The following GPC5 variants were observed in gnomAD, a reference collection of about 807,000 sequenced individuals.
The protein encoded by GPC5 is glypican-5.
Under a neutral mutation model 53.9 loss-of-function variants are expected in GPC5, and 47 were observed. The ratio of observed to expected loss-of-function variants is 0.87; its 90% confidence interval spans 0.69 to 1.11. The LOEUF is 1.11. GPC5 is among the 50% of genes most tolerant of loss of function. GPC5 has a pLI of 0.00. For synonymous variants in GPC5, 286 were observed against 263.3 expected (o/e 1.09, Z -0.84); for missense variants, 748 against 713.1 (o/e 1.05, Z -0.56).
At chr13:92,821,808 T>C (rs1278933222) in intron 7 of GPC5, among the ~76,000 whole-genome samples, 1 of 152,162 alleles carries the variant, frequency 6.6e-6, no homozygotes, top group African/African-American at 2.4e-5. Flanking sequence ...CTTAGATACA[T>C]GTTCCTATGG....
intron 7 of GPC5, among the ~76,000 whole-genome samples, chr13:92,287,973 C>A (rs1041820355): frequency 2.6e-5 from 4 of 152,028 alleles, no homozygotes; most frequent in Admixed American, 6.6e-5. Context: ...TCACACTGGA[C>A]AATTCCAGTT....
intron 2 of GPC5, among the ~76,000 whole-genome samples, chr13:91,538,027 A>G (rs11840563): frequency 0.047 from 7,212 of 152,320 alleles, 562 homozygotes; most frequent in African/African-American, 0.16. Context: ...TATGCATACA[A>G]TGAAATATTC....
intron 6 of GPC5, among the ~76,000 whole-genome samples, chr13:91,950,427 T>G (rs1468208662): frequency 7.2e-6 from 1 of 138,828 alleles, no homozygotes; most frequent in East Asian, 2.6e-4. Context: ...CTACCTTCAA[T>G]AAGCATCCCA....
In GPC5 at chr13:91,506,065, C is replaced by A. The variant is rs182753409; in HGVS notation, c.325+57143C>A. Among the ~76,000 whole-genome samples, 408 of 152,060 alleles carry A rather than the reference C, an allele frequency of 2.7e-3. 1 individual carries two copies. Among genetic ancestry groups the A allele is most frequent in the African/African-American group, 9.4e-3 (388 of 41,480 alleles). ...GATTCTATCATTTAAAAATTCAGAG[C>A]AACTCCATGGGGGAAAATTAAGGAT... On this transcript the variant is annotated intron_variant, in intron 2 of 7. Coordinates refer to ENST00000377067, the MANE Select transcript of GPC5 (RefSeq NM_004466.6).
chr13:92,355,765 C>T (rs774030354), intron 7 of GPC5, among the ~76,000 whole-genome samples: 1 of 152,052 alleles, frequency 6.6e-6, no homozygotes, highest in Non-Finnish European at 1.5e-5. Flanking sequence ...GACCCATACC[C>T]CAAATTTCAA....
chr13:91,624,260 G>C (rs2033941185), intron 2 of GPC5, among the ~76,000 whole-genome samples: 1 of 152,108 alleles, frequency 6.6e-6, no homozygotes, highest in Non-Finnish European at 1.5e-5. Flanking sequence ...AGAAGCCCAA[G>C]AGTGGTGATA....
intron 7 of GPC5, among the ~76,000 whole-genome samples, chr13:92,482,707 G>A (rs1452307359): frequency 6.6e-6 from 1 of 152,070 alleles, no homozygotes; most frequent in African/African-American, 2.4e-5. Flanking sequence ...TTTTACCCAC[G>A]ATTGTATTGC....
intron 7 of GPC5, among the ~76,000 whole-genome samples, chr13:92,430,313 G>A (rs890534592): frequency 2.0e-5 from 3 of 152,044 alleles, no homozygotes; most frequent in African/African-American, 7.2e-5. Flanking sequence ...GATTACTATT[G>A]ATATTTATCA....
At chr13:91,410,460 C>T (rs990657008) in intron 1 of GPC5, among the ~76,000 whole-genome samples, 14 of 151,358 alleles carry the variant, frequency 9.2e-5, no homozygotes, top group African/African-American at 3.4e-4. Flanking sequence ...ATTCTCCTGC[C>T]TCAGCCTCCT....
intron 7 of GPC5, among the ~76,000 whole-genome samples, chr13:92,863,758 G>C (rs546377888): frequency 6.6e-6 from 1 of 152,232 alleles, no homozygotes; most frequent in South Asian, 2.1e-4. Flanking sequence ...CTCCCAAAGT[G>C]CTGAGATTAC....
chr13:92,723,177 T>C (rs990305033), intron 7 of GPC5, among the ~76,000 whole-genome samples: 6 of 151,766 alleles, frequency 4.0e-5, no homozygotes, highest in African/African-American at 1.2e-4. Context: ...ATATGAAACA[T>C]CCAATCCTGG....
intron 7 of GPC5, among the ~76,000 whole-genome samples, chr13:92,250,764 T>G (rs1566504441): frequency 6.6e-6 from 1 of 152,086 alleles, no homozygotes; most frequent in Non-Finnish European, 1.5e-5. Flanking sequence ...CTGATATAAT[T>G]GGATTTTCAG....
chr13:91,599,559 C>T (rs144459610), intron 2 of GPC5, among the ~76,000 whole-genome samples: 65 of 152,064 alleles, frequency 4.3e-4, no homozygotes, highest in African/African-American at 1.5e-3. Flanking sequence ...ACACTTAAAA[C>T]TCAATACTAT....
chr13:92,226,869 C>T (rs9560985), intron 7 of GPC5, among the ~76,000 whole-genome samples: 35,390 of 151,724 alleles, frequency 0.23, 4,361 homozygotes, highest in African/African-American at 0.31. Flanking sequence ...CAAAGTCCTG[C>T]GATTGCAGGC....
At chr13:92,752,343 A>T (rs1488117039) in intron 7 of GPC5, among the ~76,000 whole-genome samples, 1 of 152,188 alleles carries the variant, frequency 6.6e-6, no homozygotes, top group Admixed American at 6.5e-5. Context: ...CTTCAGAACC[A>T]ATGCTTTAGA....
At chr13:91,425,760 G>A (rs1476252466) in intron 1 of GPC5, among the ~76,000 whole-genome samples, 1 of 152,214 alleles carries the variant, frequency 6.6e-6, no homozygotes, top group African/African-American at 2.4e-5. Flanking sequence ...ACCTGAAAAT[G>A]TGGAAGCGAC....
At chr13:92,663,752 C>G (rs1197899918) in intron 7 of GPC5, among the ~76,000 whole-genome samples, 2 of 138,502 alleles carry the variant, frequency 1.4e-5, no homozygotes, top group Non-Finnish European at 3.1e-5. Context: ...TATATCTCTA[C>G]TAAATATATA....
At chr13:92,287,392 T>C (rs1356519455) in intron 7 of GPC5, among the ~76,000 whole-genome samples, 1 of 152,184 alleles carries the variant, frequency 6.6e-6, no homozygotes, top group Admixed American at 6.5e-5. Context: ...TACAAGGTTT[T>C]TCAAGCCTTC....
intron 7 of GPC5, among the ~76,000 whole-genome samples, chr13:92,449,560 T>C (rs1439750894): frequency 6.6e-6 from 1 of 152,208 alleles, no homozygotes; most frequent in Non-Finnish European, 1.5e-5. Context: ...AGTTTTAGTT[T>C]TTCCACTTAG....
Sources: gnomAD v4.1 joint callset for allele counts (sites outside exome capture counted in the v4.1 genomes callset) on GRCh38, gnomAD v4.1.1 for gene constraint, MANE v1.5 for transcripts, NCBI Gene and HGNC (gene_info 2026-07-23, HGNC 2026-07-21) for gene names.